FAM171B: variants seen among roughly 807,000 people sequenced by gnomAD.
FAM171B encodes protein FAM171B.
A neutral mutation model predicts 75.6 loss-of-function variants in FAM171B; 19 were observed. The ratio of observed to expected loss-of-function variants is 0.25; its 90% confidence interval spans 0.18 to 0.37. FAM171B has a LOEUF of 0.37. Ranked by LOEUF, FAM171B falls within the 10% of genes least tolerant of loss-of-function variation. FAM171B has a pLI of 1.00. For missense variants in FAM171B, 848 were observed against 982.4 expected (o/e 0.86, Z 1.83); for synonymous variants, 367 against 361.7 (o/e 1.01, Z -0.17).
chr2:186,744,203 A>C (rs1245515713), intron 3 of FAM171B, among the ~76,000 whole-genome samples: 3 of 152,226 alleles, frequency 2.0e-5, no homozygotes, highest in South Asian at 2.1e-4. Context: ...GGAAACCTCT[A>C]TAAATGACAA....
At chr2:186,741,372 T>A in intron 2 of FAM171B, among the ~76,000 whole-genome samples, 1 of 152,186 alleles carries the variant, frequency 6.6e-6, no homozygotes, top group East Asian at 1.9e-4. Context: ...CATATTATTT[T>A]AATAAAGTCC....
intron 3 of FAM171B, among the ~76,000 whole-genome samples, chr2:186,745,127 T>G (rs1690348609): frequency 6.6e-6 from 1 of 152,190 alleles, no homozygotes; most frequent in Non-Finnish European, 1.5e-5. Context: ...CTTGCCAGAA[T>G]TTTGAGCTAG....
intron 1 of FAM171B, among the ~76,000 whole-genome samples, chr2:186,732,952 C>G (rs1029369716): frequency 2.0e-5 from 3 of 152,134 alleles, no homozygotes; most frequent in Admixed American, 6.6e-5. Flanking sequence ...GAGAGACAGC[C>G]CTTCCCTGGT....
intron 1 of FAM171B, among the ~76,000 whole-genome samples, chr2:186,719,181 C>A (rs1689915863): frequency 6.6e-6 from 1 of 152,176 alleles, no homozygotes; most frequent in Admixed American, 6.5e-5. Flanking sequence ...CCACTTTCCC[C>A]ACTCTCCCAG....
At chr2:186,701,218 GC>G (rs1256775013) in intron 1 of FAM171B, among the ~76,000 whole-genome samples, 2 of 151,992 alleles carry the variant, frequency 1.3e-5, no homozygotes, top group Non-Finnish European at 2.9e-5. Flanking sequence ...ACTGCACCTG[GC>G]TAACTTTATT....
intron 1 of FAM171B, among the ~76,000 whole-genome samples, chr2:186,724,320 C>T (rs1482416257): frequency 6.6e-6 from 1 of 152,068 alleles, no homozygotes; most frequent in African/African-American, 2.4e-5. Context: ...GATATACACA[C>T]GATTTATGCT....
intron 1 of FAM171B, among the ~76,000 whole-genome samples, chr2:186,706,028 G>C (rs1053979580): frequency 5.3e-5 from 8 of 152,194 alleles, no homozygotes; most frequent in Admixed American, 1.3e-4. Flanking sequence ...GCTCATGGCT[G>C]TTCCACTGAA....
chr2:186,699,252 CA>C (rs1330198453), intron 1 of FAM171B, among the ~76,000 whole-genome samples: 7 of 152,046 alleles, frequency 4.6e-5, no homozygotes, highest in Non-Finnish European at 5.9e-5. Flanking sequence ...CAGTGGTGTA[CA>C]AGGGTTTCTT....
chr2:186,727,179 CT>C (rs1559085939), intron 1 of FAM171B, among the ~76,000 whole-genome samples: 1 of 152,020 alleles, frequency 6.6e-6, no homozygotes, highest in African/African-American at 2.4e-5. Flanking sequence ...AAGAACCTGA[CT>C]TTTGCAGAGA....
Position 186,747,147 on chromosome 2 carries a change from C to T in FAM171B, c.621C>T (p.Asp207=), listed in dbSNP as rs775610285. The change falls in exon 4 of 8, where the codon GAC becomes GAT. Residue 207 remains aspartate, a synonymous_variant. Coordinates refer to ENST00000304698, the MANE Select transcript of FAM171B (RefSeq NM_177454.4). ...CAAAAGCCTTAATTAAACTTCCTGACAACCATCATATTAGCAACGTTACTG... is the reference window on the plus strand; with the variant it reads ...CAAAAGCCTTAATTAAACTTCCTGATAACCATCATATTAGCAACGTTACTG... The part of the protein sequence containing the change: ...QFSKALIKLP[D]NHHISNVTGY... The T allele has an allele frequency of 1.9e-6, 3 of 1,606,942 alleles. No homozygotes were observed. The highest frequency in any genetic ancestry group is 2.5e-6 in the Non-Finnish European group (3 of 1,177,336).
intron 1 of FAM171B, among the ~76,000 whole-genome samples, chr2:186,725,293 G>A (rs1257790092): frequency 6.7e-6 from 1 of 149,410 alleles, no homozygotes. Flanking sequence ...GCAGTGAGCC[G>A]AGACCACGCC....
intron 6 of FAM171B, among the ~76,000 whole-genome samples, chr2:186,755,173 C>G (rs896163943): frequency 4.6e-5 from 7 of 152,108 alleles, no homozygotes; most frequent in African/African-American, 1.7e-4. Context: ...GAAAAATTCT[C>G]TAACCTGCGG....
chr2:186,727,922 T>C (rs962256844), intron 1 of FAM171B, among the ~76,000 whole-genome samples: 2 of 152,144 alleles, frequency 1.3e-5, no homozygotes, highest in Non-Finnish European at 2.9e-5. Flanking sequence ...ACCTCTAAAC[T>C]AAGATTTCTT....
At chr2:186,701,987 G>A (rs1689668570) in intron 1 of FAM171B, among the ~76,000 whole-genome samples, 1 of 152,160 alleles carries the variant, frequency 6.6e-6, no homozygotes, top group South Asian at 2.1e-4. Context: ...CTAGGAAATG[G>A]ATACACTATT....
intron 1 of FAM171B, among the ~76,000 whole-genome samples, chr2:186,704,144 AT>A (rs1689702964): frequency 6.6e-6 from 1 of 152,088 alleles, no homozygotes; most frequent in Non-Finnish European, 1.5e-5. Context: ...TTTTCAATAT[AT>A]TTGTGCTGTT....
rs891473867 is a variant in FAM171B, at chr2:186,762,976, GAA to G, written c.*155_*156del. ...TAAATGGTAATTCAGTAATCAGAGA[GAA>G]AGATACCAAGGAATGCTTTTTCTGG... On this transcript the variant is annotated 3_prime_UTR_variant, in exon 8 of 8. Coordinates refer to ENST00000304698, the MANE Select transcript of FAM171B (RefSeq NM_177454.4). This position sits in a 1 kb window ranked among gnomAD's most constrained non-coding sequence, Gnocchi z 4.0. 4.5e-6 allele frequency: 4 copies of G among 885,046 alleles called. No homozygotes were observed. In the African/African-American group the frequency reaches 5.1e-5, roughly 11 times the overall value. The allele number at this position is 885,046 out of a possible 1,614,324, so 54.8% of individuals were successfully genotyped here. A position where few individuals can be genotyped will look rare whatever the true frequency, so the allele number is the denominator to read the frequency against.
Position 186,763,062 on chromosome 2 carries a change from T to A in FAM171B, c.*239T>A. 2.3e-6 allele frequency: 1 copy of A among 440,476 alleles called. No homozygotes were observed. The highest frequency in any genetic ancestry group is 4.0e-6 in the Non-Finnish European group (1 of 251,944). The allele number at this position is 440,476 out of a possible 1,614,324, so 27.3% of individuals were successfully genotyped here. On this transcript the variant is annotated 3_prime_UTR_variant, in exon 8 of 8. Transcript: ENST00000304698. ...GTATCTAAGTTTTCAAAATGTAAAATAGCTTCAAGATGTTAGTTATCTGAA... is the reference window on the plus strand; with the variant it reads ...GTATCTAAGTTTTCAAAATGTAAAAAAGCTTCAAGATGTTAGTTATCTGAA...
At chr2:186,708,079 G>A (rs1262348523) in intron 1 of FAM171B, among the ~76,000 whole-genome samples, 2 of 151,966 alleles carry the variant, frequency 1.3e-5, no homozygotes, top group East Asian at 1.9e-4. Flanking sequence ...AATAAATGAA[G>A]GTCTCGGTAT....
intron 3 of FAM171B, among the ~76,000 whole-genome samples, chr2:186,746,464 T>G (rs1384555930): frequency 1.3e-5 from 2 of 152,208 alleles, no homozygotes; most frequent in Non-Finnish European, 1.5e-5. Context: ...AGATGTTAAG[T>G]GTAGGAATAG....
Sources: allele counts gnomAD v4.1 joint callset (sites outside exome capture counted in the v4.1 genomes callset), GRCh38; gene constraint gnomAD v4.1.1; non-coding constraint Gnocchi (gnomAD v3.1); transcripts MANE v1.5; gene names NCBI Gene and HGNC (gene_info 2026-07-23, HGNC 2026-07-21).